The following DLG5 variants were observed in gnomAD, a reference collection of about 807,000 sequenced individuals.
DLG5 encodes discs large MAGUK scaffold protein 5, also known as disks large homolog 5.
A neutral mutation model predicts 189.8 loss-of-function variants in DLG5; 48 were observed. The ratio of observed to expected loss-of-function variants is 0.25; its 90% CI spans 0.20 to 0.32. The LOEUF (loss-of-function observed/expected upper bound fraction) is 0.32. Among genes scored for constraint, DLG5 ranks in the 10% least tolerant of loss-of-function variants. DLG5 has a pLI of 1.00. For synonymous variants in DLG5, 1,016 were observed against 1,054.1 expected, an observed-to-expected ratio of 0.96 and a Z score of 0.70; for missense variants, 2,160 against 2,544.7, an observed-to-expected ratio of 0.85 and a Z score of 3.25.
At chr10:77,865,583 T>C (rs1220389879) in intron 2 of DLG5, among the ~76,000 whole-genome samples, 1 of 152,140 alleles carries the variant, frequency 6.6e-6, no homozygotes, top group African/African-American at 2.4e-5. Context: ...CCTCCCCAGT[T>C]TTCCAAGATG....
intron 1 of DLG5, among the ~76,000 whole-genome samples, chr10:77,878,799 G>A (rs761707744): frequency 1.2e-3 from 181 of 152,106 alleles, no homozygotes; most frequent in Non-Finnish European, 1.2e-3. Flanking sequence ...AAACCAGAGC[G>A]CTCACAGTGT....
chr10:77,938,603 G>T, the DLG5 span, among the ~76,000 whole-genome samples: 2 of 152,150 alleles, frequency 1.3e-5, no homozygotes, highest in African/African-American at 4.8e-5. Flanking sequence ...AGTATCTCTA[G>T]GGTAAATATA....
At chr10:77,812,188 C>T in intron 21 of DLG5, 27 bp downstream of exon 21, 2 of 1,604,600 alleles carry the variant, frequency 1.2e-6, no homozygotes, top group South Asian at 1.1e-5. Flanking sequence ...TCCATGGGCG[C>T]CATGCAGGAG....
chr10:77,917,155 C>T (rs1846383313), intron 1 of DLG5, among the ~76,000 whole-genome samples: 1 of 151,380 alleles, frequency 6.6e-6, no homozygotes, highest in African/African-American at 2.4e-5. Context: ...GGCAACATGG[C>T]AAAGCCCCGT....
chr10:77,868,828 A>G, intron 2 of DLG5: 1 of 428,338 alleles, frequency 2.3e-6, no homozygotes, highest in South Asian at 2.4e-5. Context: ...CTGAGTTACT[A>G]CAAGGCCTTT....
intron 17 of DLG5, 88 bp downstream of exon 17, chr10:77,819,233 C>A: frequency 6.3e-7 from 1 of 1,594,008 alleles, no homozygotes; most frequent in Non-Finnish European, 8.6e-7. Flanking sequence ...GCTTCTCCAC[C>A]AATGAGCCTC....
intron 24 of DLG5, among the ~76,000 whole-genome samples, chr10:77,808,851 T>C (rs1245140807): frequency 2.0e-5 from 3 of 152,188 alleles, no homozygotes; most frequent in Non-Finnish European, 4.4e-5. Context: ...TCCCTGTACT[T>C]TGGGAGGCCG....
intron 1 of DLG5, among the ~76,000 whole-genome samples, chr10:77,878,250 T>A (rs1402941510): frequency 6.6e-6 from 1 of 152,250 alleles, no homozygotes; most frequent in Non-Finnish European, 1.5e-5. Context: ...GGCCTGCCAC[T>A]CACCAGCTGT....
chr10:77,873,685 G>A (rs368098712), intron 1 of DLG5, among the ~76,000 whole-genome samples: 1 of 152,170 alleles, frequency 6.6e-6, no homozygotes, highest in Admixed American at 6.5e-5. Flanking sequence ...AAAGGCCCTG[G>A]TGACTCACGC....
intron 20 of DLG5, 63 bp from the exon 21 acceptor site, chr10:77,812,440 G>C (rs1366482094): frequency 1.9e-6 from 3 of 1,559,780 alleles, no homozygotes; most frequent in Non-Finnish European, 2.6e-6. Flanking sequence ...GAGAGCCTGA[G>C]CTCTCTGATC....
At chr10:77,903,210 T>C (rs2154577946) in intron 1 of DLG5, among the ~76,000 whole-genome samples, 1 of 152,210 alleles carries the variant, frequency 6.6e-6, no homozygotes, top group South Asian at 2.1e-4. Flanking sequence ...GGCGGATTGC[T>C]TGAGGTCAGG....
intron 1 of DLG5, among the ~76,000 whole-genome samples, chr10:77,892,874 C>T (rs1052061041): frequency 2.6e-5 from 4 of 152,310 alleles, no homozygotes; most frequent in East Asian, 1.9e-4. Flanking sequence ...ACCAGAGAGG[C>T]GGCCACCAGC....
chr10:77,899,438 A>G (rs906453008), intron 1 of DLG5, among the ~76,000 whole-genome samples: 1 of 152,226 alleles, frequency 6.6e-6, no homozygotes, highest in Non-Finnish European at 1.5e-5. Flanking sequence ...GACTCTGGGC[A>G]AGTGACTTAC....
At chr10:77,934,310 G>T in the DLG5 span, among the ~76,000 whole-genome samples, 6 of 143,498 alleles carry the variant, frequency 4.2e-5, no homozygotes, top group Non-Finnish European at 9.0e-5. Context: ...GGCAGAGGTT[G>T]CAGTGAGCCA....
the DLG5 span, among the ~76,000 whole-genome samples, chr10:77,935,117 A>G: frequency 1.6e-4 from 24 of 152,084 alleles, no homozygotes; most frequent in Non-Finnish European, 3.4e-4. Flanking sequence ...CGGCGTCCCA[A>G]AGTGCTGGGA....
intron 8 of DLG5, 45 bp from the exon 9 acceptor site, chr10:77,834,084 G>A (rs770429491): frequency 1.9e-6 from 3 of 1,584,430 alleles, no homozygotes; most frequent in South Asian, 1.1e-5. Flanking sequence ...GAGGCATGGG[G>A]AAGGGGGTTC....
At chr10:77,811,398 A>ATCCACCTGTCCTCTCCCC (rs1841765432) in intron 22 of DLG5, among the ~76,000 whole-genome samples, 164 bp from the exon 23 acceptor site, 1 of 151,436 alleles carries the variant, frequency 6.6e-6, no homozygotes, top group African/African-American at 2.4e-5. Flanking sequence ...GACCCATGAC[A>ATCCACCTGTCCTCTCCCC]TCCACCTGTC....
Position 77,824,160 on chromosome 10 carries a change from A to T in DLG5, c.2382+224T>A, listed in dbSNP as rs541160877. Among the ~76,000 whole-genome samples the T allele has an allele frequency of 7.9e-5, 12 of 152,322 alleles. No individual in the cohort carries two copies. In the East Asian group the frequency reaches 1.9e-3, roughly 25 times the overall value. On this transcript the variant is annotated intron_variant, in intron 14 of 31. Coordinates refer to ENST00000372391, the MANE Select transcript of DLG5 (RefSeq NM_004747.4). ...AACAATTCCCTAAGATCATCTAATTATCGGGTCCAGATTCAAATGTACCCA... is the reference window on the plus strand; with the variant it reads ...AACAATTCCCTAAGATCATCTAATTTTCGGGTCCAGATTCAAATGTACCCA...
intron 1 of DLG5, among the ~76,000 whole-genome samples, chr10:77,910,377 G>T (rs1368673487): frequency 6.6e-6 from 1 of 152,190 alleles, no homozygotes; most frequent in Non-Finnish European, 1.5e-5. Flanking sequence ...CAATTGCAGA[G>T]GCTGATAAAA....
Sources: allele counts gnomAD v4.1 joint callset (sites outside exome capture counted in the v4.1 genomes callset), GRCh38; gene constraint gnomAD v4.1.1; transcripts MANE v1.5; gene names NCBI Gene and HGNC (gene_info 2026-07-23, HGNC 2026-07-21).